ARHGEF6: variants seen among roughly 807,000 people sequenced by gnomAD.
ARHGEF6 encodes rho guanine nucleotide exchange factor 6.
A neutral mutation model predicts 70.3 loss-of-function variants in ARHGEF6; 9 were observed. The ratio of observed to expected loss-of-function variants is 0.13; its 90% CI spans 0.08 to 0.22. The LOEUF is 0.22. ARHGEF6 is among the 10% of genes least tolerant of loss of function. ARHGEF6 has a pLI of 1.00. For missense variants in ARHGEF6, 470 were observed against 563.0 expected (o/e 0.83, Z 1.67); for synonymous variants, 201 against 207.8 (o/e 0.97, Z 0.28).
intron 2 of ARHGEF6, among the ~76,000 whole-genome samples, chrX:136,757,537 A>G (rs1250803072): frequency 8.9e-6 from 1 of 111,942 alleles, no homozygotes; most frequent in Non-Finnish European, 1.9e-5. Context: ...TCTCTCTGAC[A>G]TTTATACTTC....
At chrX:136,736,437 T>G (rs888685632) in intron 5 of ARHGEF6, among the ~76,000 whole-genome samples, 7 of 111,453 alleles carry the variant, frequency 6.3e-5, no homozygotes, top group African/African-American at 2.3e-4. Flanking sequence ...AAAAACATAT[T>G]TTTGGTCAAA....
chrX:136,692,850 G>A (rs1306001010), intron 9 of ARHGEF6, among the ~76,000 whole-genome samples: 1 of 111,329 alleles, frequency 9.0e-6, no homozygotes, highest in Non-Finnish European at 1.9e-5. Context: ...ATTATCCCAA[G>A]ACAAATACCT....
At chrX:136,723,176 T>C (rs1464533229) in intron 6 of ARHGEF6, among the ~76,000 whole-genome samples, 4 of 112,011 alleles carry the variant, frequency 3.6e-5, no homozygotes, top group African/African-American at 9.7e-5. Context: ...TGCTAATGGA[T>C]AGAAGGTTTT....
At chrX:136,697,449 A>G (rs1412215142) in intron 9 of ARHGEF6, among the ~76,000 whole-genome samples, 4 of 112,216 alleles carry the variant, frequency 3.6e-5, no homozygotes, top group Non-Finnish European at 7.5e-5. Context: ...GAACTTAATT[A>G]GATCAGATGG....
chrX:136,726,434 G>C (rs1467178845), intron 6 of ARHGEF6, among the ~76,000 whole-genome samples: 3 of 111,826 alleles, frequency 2.7e-5, no homozygotes, highest in African/African-American at 6.5e-5. Flanking sequence ...ATATGGAAAA[G>C]AGAATCAATG....
intron 10 of ARHGEF6, among the ~76,000 whole-genome samples, chrX:136,688,771 A>G (rs1261015812): frequency 8.9e-6 from 1 of 112,512 alleles, no homozygotes; most frequent in African/African-American, 3.2e-5. Flanking sequence ...GGCAGATGGG[A>G]AAAGATTCCA....
At chrX:136,732,524 A>G (rs1008528568) in intron 5 of ARHGEF6, among the ~76,000 whole-genome samples, 3 of 112,661 alleles carry the variant, frequency 2.7e-5, no homozygotes, top group Non-Finnish European at 5.6e-5. Context: ...GTATACAGAT[A>G]GTCACCAACT....
chrX:136,759,441 A>T (rs893957335), intron 2 of ARHGEF6, among the ~76,000 whole-genome samples: 7 of 111,169 alleles, frequency 6.3e-5, no homozygotes, highest in African/African-American at 2.3e-4. Context: ...AGAGTTCAAG[A>T]CCAGCCTGAG....
chrX:136,665,764 G>T lies in ARHGEF6; in HGVS notation c.*2265C>A, dbSNP rs1393458043. On this transcript the variant is annotated 3_prime_UTR_variant, in exon 22 of 22. Transcript: ENST00000250617. ...CACAACTATGGCGACACTGCTCTCA[G>T]ATTAACATGGCTTCATTTCCTTTAT... The T allele has an allele frequency of 9.0e-6, 1 of 111,497 alleles. No individual in the cohort carries two copies. The highest frequency in any genetic ancestry group is 2.8e-4 in the East Asian group (1 of 3,558). 9.2% of individuals were successfully genotyped at this position (111,497 alleles called of 1,213,427 possible). A position where few individuals can be genotyped will look rare whatever the true frequency, so the allele number is the denominator to read the frequency against.
Position 136,700,713 on chromosome X carries a change from G to A in ARHGEF6, c.1046+6195C>T, listed in dbSNP as rs1156507454. ...CAGTTCCTATTACTTAATTTATCAT[G>A]TCTGCCTTCCAACAAAACATTACAA... On this transcript the variant is annotated intron_variant, in intron 9 of 21. Transcript: ENST00000250617. 6.3e-5 allele frequency among the ~76,000 whole-genome samples: 7 copies of A among 111,849 alleles called. No individual in the cohort carries two copies. The Admixed American group carries it at 6.6e-4, about 11-fold the overall frequency.
chrX:136,715,336 G>A (rs896240362), intron 6 of ARHGEF6, among the ~76,000 whole-genome samples: 2 of 110,926 alleles, frequency 1.8e-5, no homozygotes, highest in African/African-American at 6.6e-5. Context: ...ATGGGGTGCA[G>A]TTAAACAGTG....
In ARHGEF6 at chrX:136,668,167, T is replaced by C. The variant is rs778710651; in HGVS notation, c.2193A>G (p.Glu731=). The stretch of plus-strand genomic sequence containing the variant: ...CCAGGCATTGCTTCATTCTTTTATT[T>C]TCCTATGATGGGGAAAGATTTGTTG... The part of the protein sequence containing the change: ...LKDEVRELKQ[E]NKRMKQCLEE... The change falls in exon 22 of 22, where the codon GAA becomes GAG. Residue 731 remains glutamate (E), a splice_region_variant and synonymous_variant. Coordinates refer to ENST00000250617, the MANE Select transcript of ARHGEF6 (RefSeq NM_004840.3). The C allele has an allele frequency of 8.3e-7, 1 of 1,211,347 alleles. No individual in the cohort carries two copies. The highest frequency in any genetic ancestry group is 3.0e-5 in the East Asian group (1 of 33,848).
intron 2 of ARHGEF6, among the ~76,000 whole-genome samples, chrX:136,774,512 G>A (rs1025349903): frequency 7.4e-5 from 8 of 108,319 alleles, no homozygotes; most frequent in Non-Finnish European, 1.5e-4. Flanking sequence ...TTAGCCGGGC[G>A]TGGTGGCGCG....
intron 18 of ARHGEF6, 142 bp downstream of exon 18, chrX:136,676,482 C>T: frequency 6.3e-6 from 3 of 473,534 alleles, no homozygotes; most frequent in South Asian, 6.3e-5. Context: ...CCAAAGCTTT[C>T]CATGCATTCT....
rs58170821 is a variant in ARHGEF6, at chrX:136,708,804, T to C, written c.828-34A>G. ...AAAATACAGTACATGTAGTTATCTA[T>C]TGTAGTCTAGTTGGCTAATAGTTTG... On this transcript the variant is annotated intron_variant, in intron 7 of 21. Coordinates refer to ENST00000250617, the MANE Select transcript of ARHGEF6 (RefSeq NM_004840.3). The C allele has an allele frequency of 1.1e-3, 1,187 of 1,052,491 alleles. 3 individuals are homozygous for C. In the African/African-American group the frequency reaches 0.018, roughly 16 times the overall value. 86.7% of individuals were successfully genotyped at this position (1,052,491 alleles called of 1,213,427 possible).
At chrX:136,678,014 A>G in intron 16 of ARHGEF6, 58 bp from the exon 17 acceptor site, 6 of 987,682 alleles carry the variant, frequency 6.1e-6, no homozygotes, top group Non-Finnish European at 8.6e-6. Context: ...GGTTATAATG[A>G]CCAAATCCAC....
At chrX:136,682,711 G>T in intron 13 of ARHGEF6, 47 bp downstream of exon 13, 1 of 1,068,059 alleles carries the variant, frequency 9.4e-7, no homozygotes, top group Non-Finnish European at 1.3e-6. Flanking sequence ...ATGGAAACCT[G>T]TTTTCGTTAG....
intron 3 of ARHGEF6, 50 bp from the exon 4 acceptor site, chrX:136,745,397 A>ACAT (rs1321404726): frequency 8.4e-7 from 1 of 1,184,866 alleles, no homozygotes; most frequent in African/African-American, 1.8e-5. Flanking sequence ...GATCAGAAAA[A>ACAT]CATCTACCGC....
intron 17 of ARHGEF6, 95 bp downstream of exon 17, chrX:136,677,841 G>T: frequency 1.3e-6 from 1 of 748,337 alleles, no homozygotes; most frequent in Admixed American, 2.8e-5. Flanking sequence ...TTATAACAAG[G>T]GACAAAACAA....
Sources: allele counts gnomAD v4.1 joint callset (sites outside exome capture counted in the v4.1 genomes callset), GRCh38; gene constraint gnomAD v4.1.1; transcripts MANE v1.5; gene names NCBI Gene and HGNC (gene_info 2026-07-23, HGNC 2026-07-21).